Variants in ATG2B observed in about 807,000 individuals in gnomAD.
ATG2B encodes the protein autophagy related 2B.
ATG2B carries 121 observed loss-of-function variants against 241.3 expected under a neutral mutation model. That is an observed-to-expected ratio of 0.50 (90% CI 0.43 to 0.58). ATG2B has a LOEUF of 0.58. Among genes scored for constraint, ATG2B ranks in the 20% least tolerant of loss-of-function variants. The probability of loss-of-function intolerance (pLI) is 0.00; values close to 1 mark genes in which losing one functional copy is unlikely to be tolerated. For synonymous variants in ATG2B, 858 were observed against 876.6 expected, an observed-to-expected ratio of 0.98 and a Z score of 0.37; for missense variants, 2,306 against 2,491.6, an observed-to-expected ratio of 0.93 and a Z score of 1.59.
At chr14:96,356,524 C>G (rs557592210) in intron 1 of ATG2B, among the ~76,000 whole-genome samples, 10 of 152,046 alleles carry the variant, frequency 6.6e-5, no homozygotes, top group Non-Finnish European at 1.5e-4. Flanking sequence ...ATAGAACAAG[C>G]TTTTAAAACG....
chr14:96,324,935 G>C (rs900434075), intron 15 of ATG2B, among the ~76,000 whole-genome samples: 4 of 152,134 alleles, frequency 2.6e-5, no homozygotes, highest in African/African-American at 4.8e-5. Flanking sequence ...AGAGGGTGTC[G>C]TGGCAGAGGC....
Position 96,315,548 on chromosome 14 carries a change from G to C in ATG2B, c.3397C>G (p.Arg1133Gly). 2.5e-6 allele frequency: 4 copies of C among 1,613,964 alleles called. No homozygotes were observed. Among genetic ancestry groups the C allele is most frequent in the African/African-American group, 1.3e-5 (1 of 75,034 alleles). ...TGTGGGCGGGTTGAGCTGGGAAGTC[G>C]TGTTTCTGTCGGGAGAATCACTCCA... ...VNGVILPTET[R>G]LPSSTRPHWL... Residue 1133 changes from arginine (R) to glycine (G), a missense_variant, in exon 22 of 42, where the codon CGA becomes GGA. Arg to Gly is a moderately radical substitution (Grantham distance 125, BLOSUM62 -2). Coordinates refer to ENST00000359933, the MANE Select transcript of ATG2B (RefSeq NM_018036.7).
Position 96,344,681 on chromosome 14 carries a change from C to A in ATG2B, c.554G>T (p.Gly185Val). ...IEHVPENSKT[G>V]TALEIRIERT... ...TTCTATTCGAATTTCAAGTGCAGTT[C>A]CAGTTTTGGAATTTTCTGGCACATG... The change falls in exon 4 of 42, where the codon GGA (glycine) becomes GTA (valine). Residue 185 changes from glycine to valine, a missense_variant. By Grantham distance (109) the Gly-to-Val change is moderately radical. Around this residue, in one of 2 missense-constraint regions of ATG2B, gnomAD observed 1,927 missense variants for 2,011.2 expected, o/e 0.96. Transcript: ENST00000359933. The A allele has an allele frequency of 6.2e-7, 1 of 1,604,444 alleles. No individual in the cohort carries two copies. The highest frequency in any genetic ancestry group is 8.5e-7 in the Non-Finnish European group (1 of 1,174,938).
chr14:96,300,451 A>G (rs1886758745), intron 34 of ATG2B, among the ~76,000 whole-genome samples: 1 of 145,266 alleles, frequency 6.9e-6, no homozygotes. Context: ...GTTTGAGCCC[A>G]GGAGGTCAAG....
intron 6 of ATG2B, among the ~76,000 whole-genome samples, chr14:96,338,299 C>G (rs1293662982): frequency 1.3e-5 from 2 of 152,076 alleles, no homozygotes. Flanking sequence ...CCTGATTGCC[C>G]TGGCTAGGAC....
intron 34 of ATG2B, among the ~76,000 whole-genome samples, chr14:96,301,181 TCA>T (rs2139846026): frequency 6.6e-6 from 1 of 152,368 alleles, no homozygotes; most frequent in East Asian, 1.9e-4. Context: ...TTAATGTTTT[TCA>T]CACACTGATT....
intron 1 of ATG2B, among the ~76,000 whole-genome samples, chr14:96,358,674 G>A (rs1888543637): frequency 6.6e-6 from 1 of 151,752 alleles, no homozygotes; most frequent in East Asian, 1.9e-4. Context: ...TAGTATATGA[G>A]TAGTAAAAAT....
chr14:96,333,809 G>A lies in ATG2B; in HGVS notation c.1086C>T (p.Asp362=), dbSNP rs377727532. 230 of 1,613,700 alleles carry A rather than the reference G, an allele frequency of 1.4e-4. No homozygotes were observed. Among genetic ancestry groups the A allele is most frequent in the African/African-American group, 8.0e-4 (60 of 74,972 alleles). Residue 362 remains aspartate (D), a synonymous_variant, in exon 8 of 42, where the codon GAC becomes GAT. Transcript: ENST00000359933. ...DRKNRPMQQE[D]EYRIQMELNR... ...TTAATTCCATCTGAATTCGATACTC[G>A]TCTTCCTGCTGCATGGGTCGATTTT...
At chr14:96,308,264 A>ATATATATATATATATG (rs1887040316) in intron 29 of ATG2B, among the ~76,000 whole-genome samples, 7 of 12,618 alleles carry the variant, frequency 5.5e-4, no homozygotes, top group African/African-American at 7.9e-4. Flanking sequence ...ACACATATAT[A>ATATATATATATATATG]TATATATATA....
intron 1 of ATG2B, among the ~76,000 whole-genome samples, chr14:96,358,195 G>A (rs565249142): frequency 2.0e-5 from 3 of 152,316 alleles, no homozygotes; most frequent in Middle Eastern, 3.4e-3. Context: ...AGAAACTGGG[G>A]GGGGCTGAGG....
rs760905510 is a variant in ATG2B, at chr14:96,290,957, A to G, written c.5580-22T>C. The stretch of plus-strand genomic sequence containing the variant: ...TAAACTAGAGCAAATGATTATTAGT[A>G]TGTCAAAAGGAGAAATACATTTATA... On this transcript the variant is annotated intron_variant, in intron 38 of 41. Transcript: ENST00000359933. This position sits in a 1 kb window ranked among gnomAD's most constrained non-coding sequence, Gnocchi z 4.4. 1.9e-6 allele frequency: 3 copies of G among 1,597,294 alleles called. No homozygotes were observed. Among genetic ancestry groups the G allele is most frequent in the African/African-American group, 1.3e-5 (1 of 74,078 alleles).
intron 1 of ATG2B, among the ~76,000 whole-genome samples, chr14:96,359,309 T>C (rs1888562929): frequency 6.6e-6 from 1 of 151,992 alleles, no homozygotes; most frequent in African/African-American, 2.4e-5. Context: ...GCCTAGCAGG[T>C]TGAGGCTGCA....
Position 96,315,559 on chromosome 14 carries a change from G to A in ATG2B, c.3386C>T (p.Pro1129Leu), listed in dbSNP as rs750599217. Residue 1129 changes from proline to leucine, a missense_variant, in exon 22 of 42, where the codon CCG becomes CTG. Physicochemically the swap from Pro to Leu is moderately conservative, Grantham distance 98. Coordinates refer to ENST00000359933, the MANE Select transcript of ATG2B (RefSeq NM_018036.7). The stretch of plus-strand genomic sequence containing the variant: ...TGAGCTGGGAAGTCGTGTTTCTGTC[G>A]GGAGAATCACTCCATTCACTATGCC... Reference protein sequence around the residue: ...HKGIVNGVILPTETRLPSSTR... With the variant: ...HKGIVNGVILLTETRLPSSTR... The A allele has an allele frequency of 1.1e-5, 17 of 1,613,780 alleles. No individual in the cohort carries two copies. The highest frequency in any genetic ancestry group is 3.3e-5 in the South Asian group (3 of 91,074).
intron 12 of ATG2B, 94 bp downstream of exon 12, chr14:96,329,390 A>G: frequency 2.4e-6 from 2 of 847,036 alleles, no homozygotes; most frequent in Admixed American, 3.0e-5. Context: ...ATGGCTTTCT[A>G]TACATTTTTA....
At position 96,332,582 on chromosome 14, in the gene ATG2B, G is replaced by T. The variant is rs755022921; in HGVS notation, c.1281C>A (p.Asp427Glu). 3 of 1,610,066 alleles carry T rather than the reference G, an allele frequency of 1.9e-6. No individual in the cohort carries two copies. Among genetic ancestry groups the T allele is most frequent in the Non-Finnish European group, 2.5e-6 (3 of 1,178,582 alleles). The change falls in exon 9 of 42, where the codon GAC becomes GAA. Residue 427 changes from aspartate (D) to glutamate (E), a missense_variant. By Grantham distance (45) the Asp-to-Glu change is conservative. This residue lies in a region of ATG2B where 1,927 missense variants were observed against 2,011.2 expected (regional missense o/e 0.96). Transcript: ENST00000359933. ...HSLSSLPPLG[D>E]PPNMDLELSL... is the part of the protein sequence containing the mutation. ...ATAACTCAAGGTCCATGTTTGGGGG[G>T]TCCCCAAGGGGTGGAAGAGAAGAGA...
Position 96,311,106 on chromosome 14 carries a change from G to A in ATG2B, c.4161+11C>T. ...TGGCAGGGACTGGAGGAATCACATT[G>A]CTGACTGTACCTTAGACCTTCTTTG... On this transcript the variant is annotated intron_variant, in intron 28 of 41. Coordinates refer to ENST00000359933, the MANE Select transcript of ATG2B (RefSeq NM_018036.7). 1 of 1,599,038 alleles carries A rather than the reference G, an allele frequency of 6.3e-7. No individual in the cohort carries two copies. Among genetic ancestry groups the A allele is most frequent in the Non-Finnish European group, 8.5e-7 (1 of 1,171,232 alleles).
chr14:96,344,684 G>T lies in ATG2B; in HGVS notation c.551C>A (p.Thr184Asn). The change falls in exon 4 of 42, where the codon ACT becomes AAT. Residue 184 changes from threonine to asparagine, a missense_variant. By Grantham distance (65) the Thr-to-Asn change is moderately conservative. Transcript: ENST00000359933. ...TATTCGAATTTCAAGTGCAGTTCCA[G>T]TTTTGGAATTTTCTGGCACATGTTC... is the stretch of plus-strand genomic sequence containing the variant. Reference protein sequence around the residue: ...RIEHVPENSKTGTALEIRIER... With the variant: ...RIEHVPENSKNGTALEIRIER... 1 of 1,605,036 alleles carries T rather than the reference G, an allele frequency of 6.2e-7. No homozygotes were observed.
In ATG2B at chr14:96,322,172, G is replaced by A. The variant is rs111925275; in HGVS notation, c.2819C>T (p.Thr940Met). 2.0e-4 allele frequency: 318 copies of A among 1,575,808 alleles called. 1 individual carries two copies. In the African/African-American group the frequency reaches 3.4e-3, roughly 17 times the overall value. ...ISNSHYVLELTLPNIYVTLPN... is the reference protein window; with the variant it reads ...ISNSHYVLELMLPNIYVTLPN... ...TAGTGTTACATAAATATTTGGTAAC[G>A]TAAGTTCCAGCACATAGTGAGAATT... The change falls in exon 18 of 42, where the codon ACG becomes ATG. Residue 940 changes from threonine (T) to methionine (M), a missense_variant. Physicochemically the swap from Thr to Met is moderately conservative, Grantham distance 81. Around this residue, in one of 2 missense-constraint regions of ATG2B, gnomAD observed 1,927 missense variants for 2,011.2 expected, o/e 0.96. Transcript: ENST00000359933.
rs1886492615 is a variant in ATG2B at position 96,291,815 on chromosome 14, A to G, written c.5497-133T>C. Reference sequence around the variant, plus strand: ...AACACTTAAAATATTTACAGTAAAAATATATATCTTACAATACATATGACC... The same window carrying G: ...AACACTTAAAATATTTACAGTAAAAGTATATATCTTACAATACATATGACC... On this transcript the variant is annotated intron_variant, in intron 37 of 41. Transcript: ENST00000359933. 4 of 673,680 alleles carry G rather than the reference A, an allele frequency of 5.9e-6. No homozygotes were observed. In the Admixed American group the frequency reaches 9.4e-5, roughly 16 times the overall value. The allele number at this position is 673,680 out of a possible 1,614,324, so 41.7% of individuals were successfully genotyped here.
Sources: allele counts gnomAD v4.1 joint callset (sites outside exome capture counted in the v4.1 genomes callset), GRCh38; gene constraint gnomAD v4.1.1; regional missense constraint gnomAD v4.1.1; non-coding constraint Gnocchi (gnomAD v3.1); transcripts MANE v1.5; gene names NCBI Gene and HGNC (gene_info 2026-07-23, HGNC 2026-07-21).